PARP8: variants seen among roughly 807,000 people sequenced by gnomAD.
PARP8 encodes the protein protein mono-ADP-ribosyltransferase PARP8.
In PARP8, 51 loss-of-function variants were observed where a neutral mutation model predicts 124.1. That is an observed-to-expected ratio of 0.41 (90% CI 0.33 to 0.52). The LOEUF (loss-of-function observed/expected upper bound fraction) is 0.52, where lower values mean the gene tolerates loss of function less well. Among genes scored for constraint, PARP8 ranks in the 20% least tolerant of loss-of-function variants. The pLI is 0.21. For missense variants in PARP8, 860 were observed against 1,018.9 expected, an observed-to-expected ratio of 0.84 and a Z score of 2.12; for synonymous variants, 391 against 361.5, an observed-to-expected ratio of 1.08 and a Z score of -0.93.
chr5:50,693,178 A>G (rs1752675155), intron 2 of PARP8, among the ~76,000 whole-genome samples: 1 of 152,218 alleles, frequency 6.6e-6, no homozygotes, highest in East Asian at 1.9e-4. Flanking sequence ...ACAACTGGCC[A>G]TAGATTCCCC....
At chr5:50,728,634 G>A (rs1443596213) in intron 2 of PARP8, among the ~76,000 whole-genome samples, 5 of 151,352 alleles carry the variant, frequency 3.3e-5, no homozygotes, top group South Asian at 2.1e-4. Flanking sequence ...CCCAGAATTC[G>A]TTGTCTTTCC....
chr5:50,787,407 G>C lies in PARP8; in HGVS notation c.671-1116G>C, dbSNP rs550906993. On this transcript the variant is annotated intron_variant, in intron 9 of 25. Transcript: ENST00000281631. ...ATATTTCAGCATATTTTCTCTTCAG[G>C]GGCTTTGCCTTTGTTCTTTGCTCTG... is the stretch of plus-strand genomic sequence containing the variant. Among the ~76,000 whole-genome samples the C allele has an allele frequency of 2.0e-4, 30 of 152,004 alleles. No homozygotes were observed. The South Asian group carries it at 4.1e-3, about 21-fold the overall frequency.
intron 14 of PARP8, among the ~76,000 whole-genome samples, chr5:50,805,655 A>AG (rs1743751319): frequency 6.6e-6 from 1 of 152,134 alleles, no homozygotes; most frequent in Non-Finnish European, 1.5e-5. Context: ...AAACTTGGAA[A>AG]GCAATAATTT....
chr5:50,751,214 G>A (rs1759223444), intron 3 of PARP8, among the ~76,000 whole-genome samples: 1 of 152,104 alleles, frequency 6.6e-6, no homozygotes, highest in Admixed American at 6.5e-5. Flanking sequence ...AGTAAACCAA[G>A]TGGGCCAAGT....
chr5:50,746,458 C>A (rs1453622465), intron 2 of PARP8, among the ~76,000 whole-genome samples: 3 of 152,074 alleles, frequency 2.0e-5, no homozygotes, highest in Admixed American at 6.5e-5. Flanking sequence ...ACTGTAGGTA[C>A]ATAACATGTA....
At chr5:50,760,260 A>G in intron 4 of PARP8, 32 bp from the exon 5 acceptor site, 1 of 1,453,280 alleles carries the variant, frequency 6.9e-7, no homozygotes, top group African/African-American at 1.5e-5. Flanking sequence ...ACTAAGTATC[A>G]TAATATTTTT....
chr5:50,707,662 AG>A (rs1754300481), intron 2 of PARP8, among the ~76,000 whole-genome samples: 1 of 140,658 alleles, frequency 7.1e-6, no homozygotes, highest in African/African-American at 2.6e-5. Context: ...AGAGAGAGAG[AG>A]AAAATGCCAG....
At chr5:50,765,826 C>CAGA (rs1196573195) in intron 7 of PARP8, among the ~76,000 whole-genome samples, 4 of 152,174 alleles carry the variant, frequency 2.6e-5, no homozygotes, top group African/African-American at 9.7e-5. Flanking sequence ...GGTAGTTAGG[C>CAGA]AGAAGGTCTT....
At chr5:50,742,535 C>T (rs1317696105) in intron 2 of PARP8, among the ~76,000 whole-genome samples, 1 of 152,026 alleles carries the variant, frequency 6.6e-6, no homozygotes, top group Non-Finnish European at 1.5e-5. Flanking sequence ...AGGAAGTAAC[C>T]ATATGATAAT....
intron 22 of PARP8, among the ~76,000 whole-genome samples, chr5:50,831,382 G>A (rs899591236): frequency 2.6e-5 from 4 of 152,030 alleles, no homozygotes; most frequent in Non-Finnish European, 5.9e-5. Context: ...GGGCTGCGCT[G>A]GCAGGCCTGA....
chr5:50,740,820 A>T (rs1757970169), intron 2 of PARP8, among the ~76,000 whole-genome samples: 1 of 150,798 alleles, frequency 6.6e-6, no homozygotes, highest in Non-Finnish European at 1.5e-5. Context: ...CTCAAAAGAA[A>T]AAAAAAAAAA....
chr5:50,842,051 C>A lies in PARP8; in HGVS notation c.2548C>A (p.Gln850Lys). Residue 850 changes from glutamine (Q) to lysine (K), a missense_variant, in exon 26 of 26, where the codon CAA (glutamine) becomes AAA (lysine). Physicochemically the swap from Gln to Lys is moderately conservative, Grantham distance 53. Around this residue, in one of 2 missense-constraint regions of PARP8, gnomAD observed 343 missense variants for 474.7 expected, o/e 0.72. Coordinates refer to ENST00000281631, the MANE Select transcript of PARP8 (RefSeq NM_024615.4). ...AGAGATCCTCCGAGTAATTGGTAAT[C>A]AAACTGCTACTGGTTAAAGGACCAC... Reference protein sequence around the residue: ...HKEILRVIGNQTATG With the variant: ...HKEILRVIGNKTATG 1.2e-6 allele frequency: 2 copies of A among 1,600,010 alleles called. No individual in the cohort carries two copies. The highest frequency in any genetic ancestry group is 2.2e-5 in the South Asian group (2 of 89,802).
At chr5:50,829,531 C>T (rs528574069) in intron 21 of PARP8, among the ~76,000 whole-genome samples, 3 of 152,154 alleles carry the variant, frequency 2.0e-5, no homozygotes, top group African/African-American at 7.2e-5. Flanking sequence ...CTGAGCAGGA[C>T]GCTTTGTTTA....
chr5:50,727,482 C>T (rs1480957998), intron 2 of PARP8, among the ~76,000 whole-genome samples: 5 of 152,122 alleles, frequency 3.3e-5, no homozygotes, highest in South Asian at 2.1e-4. Context: ...GGCCAGAGTA[C>T]GTGTGGACTA....
intron 16 of PARP8, 100 bp from the exon 17 acceptor site, chr5:50,822,235 A>T: frequency 1.2e-6 from 1 of 867,500 alleles, no homozygotes; most frequent in South Asian, 1.4e-5. Flanking sequence ...CCCCAGTGGA[A>T]AATTCACATA....
chr5:50,672,448 A>T, intron 2 of PARP8, among the ~76,000 whole-genome samples: 1 of 152,194 alleles, frequency 6.6e-6, no homozygotes, highest in South Asian at 2.1e-4. Flanking sequence ...TGTGGAGAAG[A>T]TACTCAGACA....
chr5:50,738,504 AAT>A (rs887183334), intron 2 of PARP8, among the ~76,000 whole-genome samples: 3 of 152,194 alleles, frequency 2.0e-5, no homozygotes, highest in African/African-American at 7.2e-5. Context: ...TTCAGTTTTT[AAT>A]GCAAATAGCT....
intron 9 of PARP8, among the ~76,000 whole-genome samples, chr5:50,778,943 A>G (rs567303737): frequency 2.6e-5 from 4 of 152,262 alleles, no homozygotes; most frequent in South Asian, 4.1e-4. Context: ...GTAAATATAT[A>G]TATTTTGGGT....
intron 12 of PARP8, among the ~76,000 whole-genome samples, chr5:50,795,792 T>C (rs1271099375): frequency 1.3e-5 from 2 of 152,226 alleles, no homozygotes; most frequent in Non-Finnish European, 1.5e-5. Flanking sequence ...ACATGAGTGG[T>C]GGAGGACCAC....
Sources: gnomAD v4.1 joint callset for allele counts (sites outside exome capture counted in the v4.1 genomes callset) on GRCh38, gnomAD v4.1.1 for gene constraint, gnomAD v4.1.1 regional missense constraint, MANE v1.5 for transcripts, NCBI Gene and HGNC (gene_info 2026-07-23, HGNC 2026-07-21) for gene names.